Variants in CUL3 observed in about 807,000 individuals in gnomAD.
CUL3 encodes the protein cullin 3.
Under a neutral mutation model 89.1 loss-of-function variants are expected in CUL3, and 19 were observed. The ratio of observed to expected loss-of-function variants is 0.21; its 90% CI spans 0.15 to 0.31. The LOEUF (loss-of-function observed/expected upper bound fraction) is 0.31. Ranked by LOEUF, CUL3 falls within the 10% of genes least tolerant of loss-of-function variation. CUL3 has a pLI of 1.00. For missense variants in CUL3, 469 were observed against 942.3 expected (o/e 0.50, Z 6.58); for synonymous variants, 351 against 308.4 (o/e 1.14, Z -1.45).
intron 14 of CUL3, among the ~76,000 whole-genome samples, chr2:224,480,540 A>T (rs1430396528): frequency 6.6e-6 from 1 of 152,198 alleles, no homozygotes; most frequent in East Asian, 1.9e-4. Context: ...TACACACATA[A>T]GTGTGCACAC....
intron 2 of CUL3, 97 bp downstream of exon 2, chr2:224,557,562 A>C: frequency 1.3e-6 from 1 of 773,988 alleles, no homozygotes; most frequent in Non-Finnish European, 2.0e-6. Flanking sequence ...GGCTTCTGGC[A>C]CCTTTAAAAA....
At chr2:224,583,177 A>T (rs1695482752) in intron 1 of CUL3, among the ~76,000 whole-genome samples, 1 of 152,178 alleles carries the variant, frequency 6.6e-6, no homozygotes, top group African/African-American at 2.4e-5. Flanking sequence ...CGGGAGTTCG[A>T]GACCAGCCTG....
chr2:224,550,103 T>C (rs1028170203), intron 2 of CUL3, among the ~76,000 whole-genome samples: 3 of 152,200 alleles, frequency 2.0e-5, no homozygotes, highest in Non-Finnish European at 4.4e-5. Flanking sequence ...CTTCATTTAC[T>C]TCCAGGGCTT....
At chr2:224,521,141 T>C (rs6720502) in intron 3 of CUL3, among the ~76,000 whole-genome samples, 28,888 of 152,184 alleles carry the variant, frequency 0.19, 3,067 homozygotes, top group South Asian at 0.27. Context: ...TTTTTAATAG[T>C]CATTATGTTA....
At chr2:224,530,630 G>A (rs1364219876) in intron 3 of CUL3, among the ~76,000 whole-genome samples, 3 of 152,120 alleles carry the variant, frequency 2.0e-5, no homozygotes, top group Non-Finnish European at 4.4e-5. Context: ...CTTTTGGTTG[G>A]GCACAGTGGC....
Position 224,470,948 on chromosome 2 carries a change from C to T in CUL3, c.*3297G>A, listed in dbSNP as rs1211051457. 1 of 228,836 alleles carries T rather than the reference C, an allele frequency of 4.4e-6. No individual in the cohort carries two copies. The highest frequency in any genetic ancestry group is 6.3e-5 in the East Asian group (1 of 15,908). The allele number at this position is 228,836 out of a possible 1,614,324, so 14.2% of individuals were successfully genotyped here. A position where few individuals can be genotyped will look rare whatever the true frequency, so the allele number is the denominator to read the frequency against. The stretch of plus-strand genomic sequence containing the variant: ...CAACTCCTGGCTCTGCCATTTCCTG[C>T]TAGCAACCTTGGACAACACTGGTAT... On this transcript the variant is annotated 3_prime_UTR_variant, in exon 16 of 16. Coordinates refer to ENST00000264414, the MANE Select transcript of CUL3 (RefSeq NM_003590.5).
chr2:224,552,531 A>G (rs1205786729), intron 2 of CUL3, among the ~76,000 whole-genome samples: 1 of 152,208 alleles, frequency 6.6e-6, no homozygotes, highest in Non-Finnish European at 1.5e-5. Flanking sequence ...AATCAGCTAC[A>G]ACAATCCCAA....
intron 2 of CUL3, among the ~76,000 whole-genome samples, chr2:224,539,672 C>T (rs962387704): frequency 2.0e-5 from 3 of 151,612 alleles, no homozygotes; most frequent in East Asian, 1.9e-4. Context: ...ATAACTTAAA[C>T]GCATATTACA....
chr2:224,559,998 G>A (rs1420340424), intron 1 of CUL3, among the ~76,000 whole-genome samples: 2 of 152,062 alleles, frequency 1.3e-5, no homozygotes, highest in Non-Finnish European at 1.5e-5. Context: ...CGGGAGGATC[G>A]CTTGAGCCCG....
At chr2:224,497,658 G>C in intron 12 of CUL3, 95 bp downstream of exon 12, 1 of 884,266 alleles carries the variant, frequency 1.1e-6, no homozygotes, top group Non-Finnish European at 1.8e-6. Flanking sequence ...CAGAGAAACA[G>C]AAGTAAGTAA....
intron 8 of CUL3, among the ~76,000 whole-genome samples, chr2:224,504,692 A>T (rs147806950): frequency 1.3e-5 from 2 of 152,314 alleles, no homozygotes; most frequent in African/African-American, 4.8e-5. Context: ...ATGAATGCAT[A>T]AATTAATAGA....
chr2:224,505,907 A>G (rs1190475198), intron 8 of CUL3, 49 bp downstream of exon 8: 3 of 1,225,734 alleles, frequency 2.4e-6, no homozygotes, highest in Non-Finnish European at 3.3e-6. Flanking sequence ...ATATAATTTT[A>G]TATCTTTAAA....
chr2:224,497,724 C>A (rs1692220218), intron 12 of CUL3, 29 bp downstream of exon 12: 1 of 1,534,864 alleles, frequency 6.5e-7, no homozygotes, highest in Non-Finnish European at 9.0e-7. Context: ...CTTTAAGTTA[C>A]TTAATACGTT....
intron 10 of CUL3, among the ~76,000 whole-genome samples, chr2:224,500,688 C>T (rs1013313929): frequency 6.7e-6 from 1 of 149,508 alleles, no homozygotes; most frequent in Non-Finnish European, 1.5e-5. Flanking sequence ...TGCAATGGCA[C>T]GATCTCGGCT....
intron 3 of CUL3, among the ~76,000 whole-genome samples, chr2:224,526,833 AG>A (rs1693499809): frequency 6.6e-6 from 1 of 151,662 alleles, no homozygotes; most frequent in Non-Finnish European, 1.5e-5. Flanking sequence ...AAAAAAAAAA[AG>A]TTTACTGTTC....
intron 1 of CUL3, among the ~76,000 whole-genome samples, chr2:224,558,752 G>GCCTCC (rs1211859223): frequency 6.6e-6 from 1 of 152,084 alleles, no homozygotes; most frequent in Non-Finnish European, 1.5e-5. Flanking sequence ...TATTGAAAAG[G>GCCTCC]CCTCCCTTGG....
intron 10 of CUL3, 140 bp from the exon 11 acceptor site, chr2:224,500,627 CTTTT>C (rs11350781): frequency 3.7e-3 from 1,455 of 394,766 alleles, no homozygotes; most frequent in South Asian, 5.8e-3. Flanking sequence ...ATTTTCTTTT[CTTTT>C]TTTTTTTTTT....
At chr2:224,511,791 CATT>C (rs1271097150) in intron 5 of CUL3, among the ~76,000 whole-genome samples, 1 of 152,058 alleles carries the variant, frequency 6.6e-6, no homozygotes, top group African/African-American at 2.4e-5. Flanking sequence ...TAAATTAAAA[CATT>C]ATCTGTAAGC....
chr2:224,522,316 G>A (rs1693297160), intron 3 of CUL3, among the ~76,000 whole-genome samples: 1 of 151,956 alleles, frequency 6.6e-6, no homozygotes, highest in Admixed American at 6.6e-5. Context: ...AATCATAGTG[G>A]GGGAAAAAAA....
Sources: allele counts gnomAD v4.1 joint callset (sites outside exome capture counted in the v4.1 genomes callset), GRCh38; gene constraint gnomAD v4.1.1; transcripts MANE v1.5; gene names NCBI Gene and HGNC (gene_info 2026-07-23, HGNC 2026-07-21).